The following EYS variants were observed in gnomAD, a reference collection of about 807,000 sequenced individuals.
EYS encodes protein eyes shut homolog.
A neutral mutation model predicts 282.1 loss-of-function variants in EYS; 250 were observed. That is an observed-to-expected ratio of 0.89 (90% CI 0.80 to 0.98). The LOEUF is 0.98. Among genes scored for constraint, EYS ranks in the 50% least tolerant of loss-of-function variants. The pLI, the probability that EYS is intolerant of heterozygous loss-of-function variation, is 0.00. For synonymous variants in EYS, 1,355 were observed against 1,282.9 expected (o/e 1.06, Z -1.20); for missense variants, 4,016 against 3,709.0 (o/e 1.08, Z -2.15).
chr6:64,534,826 A>G (rs1312527643), intron 26 of EYS, among the ~76,000 whole-genome samples: 1 of 151,730 alleles, frequency 6.6e-6, no homozygotes, highest in African/African-American at 2.4e-5. Flanking sequence ...GACAATCATC[A>G]GGGAATTAGC....
chr6:64,569,461 G>A lies in EYS; in HGVS notation c.5644+20762C>T, dbSNP rs529169062. On this transcript the variant is annotated intron_variant, in intron 26 of 42. Transcript: ENST00000503581. The stretch of plus-strand genomic sequence containing the variant: ...ATTAGAGAAAAAAGAATGAAAAGGA[G>A]CCGGGCGTGGTGGCTCACGCCTGTA... Among the ~76,000 whole-genome samples, 5 of 152,152 alleles carry A rather than the reference G, an allele frequency of 3.3e-5. No individual in the cohort carries two copies. In the South Asian group the frequency reaches 6.2e-4, roughly 19 times the overall value.
chr6:64,489,331 A>G (rs1227133524), intron 26 of EYS, among the ~76,000 whole-genome samples: 1 of 150,736 alleles, frequency 6.6e-6, no homozygotes, highest in Non-Finnish European at 1.5e-5. Flanking sequence ...TTTGTAAAAC[A>G]CTAGTCTCTA....
At chr6:64,814,325 G>T (rs1240146580) in intron 21 of EYS, among the ~76,000 whole-genome samples, 1 of 151,856 alleles carries the variant, frequency 6.6e-6, no homozygotes, top group African/African-American at 2.4e-5. Context: ...GTAACTACAT[G>T]GATGCACAAA....
chr6:64,799,850 T>A (rs1374899245), intron 22 of EYS, among the ~76,000 whole-genome samples: 1 of 151,852 alleles, frequency 6.6e-6, no homozygotes, highest in Non-Finnish European at 1.5e-5. Flanking sequence ...TGCAGTTTCT[T>A]TAGAGTAAGC....
chr6:65,023,430 G>C (rs1772307393), intron 13 of EYS, among the ~76,000 whole-genome samples: 1 of 152,070 alleles, frequency 6.6e-6, no homozygotes, highest in African/African-American at 2.4e-5. Context: ...TAGGCTTCAA[G>C]GGAGAAAAAT....
intron 1 of EYS, among the ~76,000 whole-genome samples, chr6:65,670,399 C>T (rs972497848): frequency 1.3e-5 from 2 of 151,986 alleles, no homozygotes; most frequent in Non-Finnish European, 2.9e-5. Context: ...TTTCAACATT[C>T]TGTTAAGGTT....
chr6:64,458,574 T>G (rs969488847), intron 26 of EYS, among the ~76,000 whole-genome samples: 2 of 141,774 alleles, frequency 1.4e-5, no homozygotes, highest in Non-Finnish European at 1.6e-5. Flanking sequence ...CCTTATATTT[T>G]ATTTGCTTCT....
At chr6:64,208,997 A>G (rs1389409032) in intron 31 of EYS, among the ~76,000 whole-genome samples, 1 of 152,076 alleles carries the variant, frequency 6.6e-6, no homozygotes, top group Non-Finnish European at 1.5e-5. Context: ...TTTTTCTACT[A>G]TGTTATTTCT....
chr6:64,166,530 A>G (rs1364854417), intron 31 of EYS, among the ~76,000 whole-genome samples: 1 of 152,188 alleles, frequency 6.6e-6, no homozygotes, highest in Non-Finnish European at 1.5e-5. Flanking sequence ...GAGAAATACA[A>G]GAAGGATGTA....
intron 26 of EYS, among the ~76,000 whole-genome samples, chr6:64,469,247 G>A (rs1391329665): frequency 1.3e-5 from 2 of 152,118 alleles, no homozygotes; most frequent in Non-Finnish European, 2.9e-5. Context: ...CTAATAATCT[G>A]CTAAGCAACT....
At chr6:64,191,905 CTGACTTCCACAA>C (rs1218480148) in intron 31 of EYS, among the ~76,000 whole-genome samples, 2 of 150,072 alleles carry the variant, frequency 1.3e-5, no homozygotes, top group Non-Finnish European at 3.0e-5. Context: ...AATCGCCACA[CTGACTTCCACAA>C]TGGTTGAACT....
intron 26 of EYS, among the ~76,000 whole-genome samples, chr6:64,490,960 A>C (rs1348087497): frequency 6.6e-6 from 1 of 150,860 alleles, no homozygotes; most frequent in Non-Finnish European, 1.5e-5. Context: ...ACAGACACTA[A>C]AATCAACAGA....
chr6:64,119,223 T>C (rs763485517), intron 31 of EYS, among the ~76,000 whole-genome samples: 3 of 152,182 alleles, frequency 2.0e-5, no homozygotes, highest in Non-Finnish European at 4.4e-5. Context: ...ATGCCAAATC[T>C]AATTTAAAGA....
chr6:64,543,829 T>C (rs935490133), intron 26 of EYS, among the ~76,000 whole-genome samples: 4 of 152,128 alleles, frequency 2.6e-5, no homozygotes, highest in Admixed American at 6.5e-5. Context: ...ATTATCCCTC[T>C]TACATTCATA....
intron 33 of EYS, among the ~76,000 whole-genome samples, chr6:64,062,734 T>C (rs1007521072): frequency 3.3e-5 from 5 of 151,718 alleles, no homozygotes; most frequent in Non-Finnish European, 5.9e-5. Context: ...ATGTTCTCCC[T>C]TTTTCATCAG....
chr6:64,434,066 G>T (rs551972673), intron 28 of EYS, among the ~76,000 whole-genome samples: 11 of 152,160 alleles, frequency 7.2e-5, no homozygotes, highest in African/African-American at 2.6e-4. Flanking sequence ...GAAGTAATAA[G>T]CTAAAATGAG....
At chr6:63,875,141 G>A (rs908037732) in intron 35 of EYS, among the ~76,000 whole-genome samples, 11 of 152,218 alleles carry the variant, frequency 7.2e-5, no homozygotes, top group African/African-American at 2.2e-4. Flanking sequence ...TTTGAGATAT[G>A]TCCCATCAAT....
At chr6:64,288,383 A>T (rs1768575546) in intron 30 of EYS, among the ~76,000 whole-genome samples, 1 of 152,126 alleles carries the variant, frequency 6.6e-6, no homozygotes, top group African/African-American at 2.4e-5. Context: ...TCCAAAGTGG[A>T]ATGTACCACT....
chr6:65,701,322 T>C (rs1384592836), intron 1 of EYS, among the ~76,000 whole-genome samples: 3 of 152,150 alleles, frequency 2.0e-5, no homozygotes, highest in African/African-American at 7.2e-5. Flanking sequence ...TGGATAAGTA[T>C]TCAAACACTA....
Sources: allele counts gnomAD v4.1 joint callset (sites outside exome capture counted in the v4.1 genomes callset), GRCh38; gene constraint gnomAD v4.1.1; transcripts MANE v1.5; gene names NCBI Gene and HGNC (gene_info 2026-07-23, HGNC 2026-07-21).